The following PRKACB variants were observed in gnomAD, a reference collection of about 807,000 sequenced individuals.
PRKACB encodes the protein cAMP-dependent protein kinase catalytic subunit beta.
In PRKACB, 16 loss-of-function variants were observed where a neutral mutation model predicts 51.4. That is an observed-to-expected ratio of 0.31 (90% CI 0.21 to 0.47). The LOEUF (loss-of-function observed/expected upper bound fraction) is 0.47, where lower values mean the gene tolerates loss of function less well. Among genes scored for constraint, PRKACB ranks in the 20% least tolerant of loss-of-function variants. The pLI is 1.00. For synonymous variants in PRKACB, 147 were observed against 154.4 expected (o/e 0.95, Z 0.35); for missense variants, 309 against 464.5 (o/e 0.67, Z 3.08).
At chr1:84,200,421 C>G (rs1425218454) in intron 7 of PRKACB, among the ~76,000 whole-genome samples, 4 of 152,124 alleles carry the variant, frequency 2.6e-5, no homozygotes, top group African/African-American at 9.7e-5. Context: ...AATATTTTCT[C>G]CCATTCTGTA....
chr1:84,081,335 C>A (rs901020174), intron 1 of PRKACB, among the ~76,000 whole-genome samples: 4 of 152,112 alleles, frequency 2.6e-5, no homozygotes, highest in Non-Finnish European at 4.4e-5. Context: ...AGGTGAGATT[C>A]CATCTTCATC....
chr1:84,102,230 T>C (rs922252724), intron 1 of PRKACB, among the ~76,000 whole-genome samples: 1 of 149,466 alleles, frequency 6.7e-6, no homozygotes, highest in Admixed American at 6.7e-5. Flanking sequence ...AATACAAAAC[T>C]ACAAAAATTA....
intron 1 of PRKACB, among the ~76,000 whole-genome samples, chr1:84,171,596 A>G (rs1336761583): frequency 6.6e-6 from 1 of 151,704 alleles, no homozygotes; most frequent in Admixed American, 6.6e-5. Context: ...AAGTATAGGA[A>G]AAGAAAATTA....
At chr1:84,232,118 G>T (rs1295081234) in intron 9 of PRKACB, among the ~76,000 whole-genome samples, 4 of 151,762 alleles carry the variant, frequency 2.6e-5, no homozygotes, top group Non-Finnish European at 1.5e-5. Context: ...CTGGTATGTT[G>T]TGTGTTTGCT....
intron 7 of PRKACB, among the ~76,000 whole-genome samples, chr1:84,198,953 A>G (rs544723494): frequency 1.4e-5 from 2 of 147,192 alleles, no homozygotes; most frequent in South Asian, 4.2e-4. Flanking sequence ...ATATACATAT[A>G]TATTCATATA....
chr1:84,232,880 G>A (rs1328436360), intron 9 of PRKACB, among the ~76,000 whole-genome samples: 2 of 152,086 alleles, frequency 1.3e-5, no homozygotes, highest in Admixed American at 1.3e-4. Flanking sequence ...TGCCAAGTCT[G>A]TGTCTTTTAA....
At chr1:84,145,986 ATG>A (rs1654001193) in intron 1 of PRKACB, among the ~76,000 whole-genome samples, 1 of 151,984 alleles carries the variant, frequency 6.6e-6, no homozygotes, top group Non-Finnish European at 1.5e-5. Flanking sequence ...AAATAAATGA[ATG>A]TTAGGGGTTT....
intron 8 of PRKACB, among the ~76,000 whole-genome samples, chr1:84,211,390 T>G (rs1292251858): frequency 6.6e-6 from 1 of 152,172 alleles, no homozygotes; most frequent in Non-Finnish European, 1.5e-5. Flanking sequence ...AAATTATTTC[T>G]TTGGAATCTA....
chr1:84,199,606 T>C (rs1242996002), intron 7 of PRKACB, among the ~76,000 whole-genome samples: 2 of 152,168 alleles, frequency 1.3e-5, no homozygotes, highest in African/African-American at 4.8e-5. Flanking sequence ...AGTGCCACAA[T>C]GAATAAACAA....
intron 1 of PRKACB, among the ~76,000 whole-genome samples, chr1:84,097,317 TCTACATTAG>T (rs1413061952): frequency 6.8e-6 from 1 of 147,780 alleles, no homozygotes; most frequent in Admixed American, 6.6e-5. Context: ...GTAGATAGTA[TCTACATTAG>T]TAGATACTAT....
At chr1:84,088,464 G>A (rs1571529898) in intron 1 of PRKACB, among the ~76,000 whole-genome samples, 2 of 152,132 alleles carry the variant, frequency 1.3e-5, no homozygotes, top group South Asian at 4.1e-4. Flanking sequence ...TTCTTAAGTA[G>A]ATGACCATAT....
intron 1 of PRKACB, among the ~76,000 whole-genome samples, chr1:84,137,019 C>T (rs1462651113): frequency 6.6e-6 from 1 of 152,100 alleles, no homozygotes; most frequent in Non-Finnish European, 1.5e-5. Flanking sequence ...TTGCTTGGCA[C>T]TTCTTCCTGC....
rs1670671706 is a variant in PRKACB, at chr1:84,203,344, A to T, written c.906+539A>T. Among the ~76,000 whole-genome samples, 5 of 152,076 alleles carry T rather than the reference A, an allele frequency of 3.3e-5. No individual in the cohort carries two copies. The South Asian group carries it at 1.0e-3, about 31-fold the overall frequency. ...GGTTTTTAGCAAACATGGAAATAAC[A>T]TTAATTTTTCTTCAACATGAGTAGA... On this transcript the variant is annotated intron_variant, in intron 8 of 9. Coordinates refer to ENST00000370685, the MANE Select transcript of PRKACB (RefSeq NM_182948.4).
chr1:84,179,104 G>A (rs1480579459), intron 1 of PRKACB, 73 bp from the exon 2 acceptor site: 8 of 1,423,104 alleles, frequency 5.6e-6, no homozygotes, highest in Non-Finnish European at 7.6e-6. Context: ...AAAACCATAT[G>A]CAATATAAAT....
chr1:84,107,270 A>G (rs751038253), intron 1 of PRKACB, among the ~76,000 whole-genome samples: 20 of 152,314 alleles, frequency 1.3e-4, no homozygotes, highest in South Asian at 8.3e-4. Flanking sequence ...TTCTGGGATA[A>G]TTGGCTAGCT....
chr1:84,222,896 G>C (rs12031621), intron 9 of PRKACB, among the ~76,000 whole-genome samples: 2 of 152,016 alleles, frequency 1.3e-5, no homozygotes, highest in African/African-American at 4.8e-5. Context: ...TCTGATGGAG[G>C]TTCCCTTATA....
intron 8 of PRKACB, among the ~76,000 whole-genome samples, chr1:84,206,280 A>G (rs1671333414): frequency 6.6e-6 from 1 of 152,176 alleles, no homozygotes; most frequent in Non-Finnish European, 1.5e-5. Context: ...GAATGATCAA[A>G]GAGTTGGTTA....
At chr1:84,111,560 GGGT>G (rs1650229537) in intron 1 of PRKACB, among the ~76,000 whole-genome samples, 1 of 151,866 alleles carries the variant, frequency 6.6e-6, no homozygotes. Context: ...ATTAACCCAA[GGGT>G]AAAATACTAC....
intron 5 of PRKACB, among the ~76,000 whole-genome samples, chr1:84,186,121 G>C (rs796349354): frequency 1.2e-4 from 19 of 152,144 alleles, no homozygotes; most frequent in African/African-American, 4.6e-4. Context: ...TCTAAGAGTC[G>C]CAGTAGGTTG....
Sources: allele counts gnomAD v4.1 joint callset (sites outside exome capture counted in the v4.1 genomes callset), GRCh38; gene constraint gnomAD v4.1.1; transcripts MANE v1.5; gene names NCBI Gene and HGNC (gene_info 2026-07-23, HGNC 2026-07-21).